SGSM1: variants seen among roughly 807,000 people sequenced by gnomAD.
The protein encoded by SGSM1 is small G protein signaling modulator 1, also known as RUN and TBC1 domain containing 2.
SGSM1 carries 73 observed loss-of-function variants against 133.8 expected under a neutral mutation model. The observed-to-expected ratio is 0.55, with a 90% CI of 0.45 to 0.66. The LOEUF (loss-of-function observed/expected upper bound fraction) is 0.66, where lower values mean the gene tolerates loss of function less well. Ranked by LOEUF, SGSM1 falls within the 30% of genes least tolerant of loss-of-function variation. The probability of loss-of-function intolerance (pLI) is 0.00; values close to 1 mark genes in which losing one functional copy is unlikely to be tolerated. For missense variants in SGSM1, 1,213 were observed against 1,448.1 expected (o/e 0.84, Z 2.64); for synonymous variants, 563 against 573.0 (o/e 0.98, Z 0.25).
chr22:24,900,047 AAT>A (rs1933074402), intron 19 of SGSM1, among the ~76,000 whole-genome samples: 1 of 148,742 alleles, frequency 6.7e-6, no homozygotes, highest in Non-Finnish European at 1.5e-5. Context: ...TTTTTTTTGA[AAT>A]AGTCTCCTTC....
intron 16 of SGSM1, among the ~76,000 whole-genome samples, chr22:24,889,491 C>A (rs1299527439): frequency 6.7e-6 from 1 of 149,962 alleles, no homozygotes; most frequent in Non-Finnish European, 1.5e-5. Context: ...CTTACTGCAA[C>A]CTCCGTCTCC....
At chr22:24,905,839 CG>C (rs1933358543) in intron 21 of SGSM1, among the ~76,000 whole-genome samples, 1 of 151,074 alleles carries the variant, frequency 6.6e-6, no homozygotes, top group Non-Finnish European at 1.5e-5. Flanking sequence ...GCCAATTCTT[CG>C]TGAACTCTTC....
At chr22:24,905,675 G>T (rs1382245610) in intron 21 of SGSM1, among the ~76,000 whole-genome samples, 2 of 151,558 alleles carry the variant, frequency 1.3e-5, no homozygotes, top group Non-Finnish European at 2.9e-5. Context: ...TGTAGTCCCA[G>T]CTACTCAGGA....
intron 3 of SGSM1, among the ~76,000 whole-genome samples, chr22:24,846,716 G>A (rs1036841792): frequency 1.3e-5 from 2 of 152,036 alleles, no homozygotes; most frequent in Admixed American, 1.3e-4. Context: ...CACTTACATC[G>A]CCATAAGCAA....
intron 23 of SGSM1, among the ~76,000 whole-genome samples, chr22:24,918,837 T>C (rs1933908745): frequency 6.6e-6 from 1 of 151,998 alleles, no homozygotes; most frequent in Admixed American, 6.6e-5. Flanking sequence ...GTTCAAATGA[T>C]TCTCCTGCCT....
intron 8 of SGSM1, among the ~76,000 whole-genome samples, chr22:24,858,259 C>T (rs1031544583): frequency 6.6e-6 from 1 of 152,178 alleles, no homozygotes; most frequent in East Asian, 1.9e-4. Context: ...GGATTGTAGG[C>T]GTGAGCCACT....
intron 15 of SGSM1, among the ~76,000 whole-genome samples, chr22:24,885,883 T>C (rs538437572): frequency 6.6e-6 from 1 of 152,328 alleles, no homozygotes; most frequent in East Asian, 1.9e-4. Flanking sequence ...TCCAAGTACC[T>C]GTGACTTTCC....
chr22:24,903,536 A>G (rs1235080145), intron 20 of SGSM1, among the ~76,000 whole-genome samples: 1 of 152,122 alleles, frequency 6.6e-6, no homozygotes, highest in Non-Finnish European at 1.5e-5. Flanking sequence ...AAATGTTTTA[A>G]ACTATGATAT....
At chr22:24,855,523 C>A (rs775401919) in intron 7 of SGSM1, 26 bp from the exon 8 acceptor site, 11 of 1,613,630 alleles carry the variant, frequency 6.8e-6, no homozygotes, top group Non-Finnish European at 9.3e-6. Flanking sequence ...GGCCTCATCC[C>A]TCTGTCTCCC....
intron 2 of SGSM1, among the ~76,000 whole-genome samples, chr22:24,828,425 A>G (rs1297961274): frequency 1.3e-5 from 2 of 152,152 alleles, no homozygotes; most frequent in African/African-American, 2.4e-5. Context: ...AAGAGAAAAG[A>G]AAACCTCATT....
intron 2 of SGSM1, among the ~76,000 whole-genome samples, chr22:24,836,010 T>C (rs1929406931): frequency 6.6e-6 from 1 of 152,230 alleles, no homozygotes; most frequent in Non-Finnish European, 1.5e-5. Context: ...TTTTTAAGTG[T>C]ACAATTCAGT....
intron 2 of SGSM1, chr22:24,844,618 C>A: frequency 2.3e-6 from 1 of 428,534 alleles, no homozygotes; most frequent in Non-Finnish European, 4.2e-6. Flanking sequence ...ACAGTGTGGT[C>A]AGGAAAGGAG....
intron 21 of SGSM1, among the ~76,000 whole-genome samples, chr22:24,910,690 A>G (rs1035392174): frequency 9.2e-5 from 14 of 152,234 alleles, no homozygotes; most frequent in Non-Finnish European, 1.5e-4. Flanking sequence ...CACACCTGTA[A>G]TCCCAGCACT....
Position 24,806,271 on chromosome 22 carries a change from A to G in SGSM1, c.-55A>G, listed in dbSNP as rs972023080. On this transcript the variant is annotated 5_prime_UTR_variant, in exon 1 of 25. Transcript: ENST00000400358. ...CAGCAGCGCCGCGGCCGGAGGAGCT[A>G]CCGCCGCCACCGCCGCCACCGCCTC... The G allele has an allele frequency of 7.2e-7, 1 of 1,393,360 alleles. No homozygotes were observed. Among genetic ancestry groups the G allele is most frequent in the Non-Finnish European group, 9.3e-7 (1 of 1,078,078 alleles). 86.3% of individuals were successfully genotyped at this position (1,393,360 alleles called of 1,614,324 possible). A position where few individuals can be genotyped will look rare whatever the true frequency, so the allele number is the denominator to read the frequency against.
intron 9 of SGSM1, among the ~76,000 whole-genome samples, chr22:24,863,744 CTTT>C (rs200717326): frequency 2.1e-5 from 3 of 140,384 alleles, no homozygotes; most frequent in Non-Finnish European, 1.6e-5. Flanking sequence ...TTCTTCTTTT[CTTT>C]TTTTTTTTTT....
chr22:24,900,340 C>CTTTCTTTCTTTCTTTCT (rs1036191488), intron 19 of SGSM1, among the ~76,000 whole-genome samples: 3 of 126,032 alleles, frequency 2.4e-5, no homozygotes, highest in Non-Finnish European at 4.9e-5. Flanking sequence ...TTGTTAACCT[C>CTTTCTTTCTTTCTTTCT]TTCTTTCTTT....
At chr22:24,922,766 G>A (rs1447686541) in intron 24 of SGSM1, among the ~76,000 whole-genome samples, 4 of 152,176 alleles carry the variant, frequency 2.6e-5, no homozygotes, top group South Asian at 2.1e-4. Flanking sequence ...GTGAGCCACC[G>A]GGCCTGGCCC....
At chr22:24,825,649 C>G (rs1474998879) in intron 2 of SGSM1, among the ~76,000 whole-genome samples, 1 of 152,136 alleles carries the variant, frequency 6.6e-6, no homozygotes, top group Non-Finnish European at 1.5e-5. Flanking sequence ...AGGCTGGTCT[C>G]GAACTCCTGA....
Position 24,893,486 on chromosome 22 carries a change from G to T in SGSM1, c.1826G>T (p.Cys609Phe). The T allele has an allele frequency of 3.1e-6, 5 of 1,613,882 alleles. No individual in the cohort carries two copies. Among genetic ancestry groups the T allele is most frequent in the Non-Finnish European group, 3.4e-6 (4 of 1,179,838 alleles). The part of the protein sequence containing the change: ...YAQTMAEWLG[C>F]EAIVRQRERE... ...CAGACCATGGCTGAGTGGCTGGGCT[G>T]CGAGGCGATCGTGCGGCAGAGGGAG... Residue 609 changes from cysteine (C) to phenylalanine (F), a missense_variant, in exon 17 of 25, where the codon TGC (cysteine) becomes TTC (phenylalanine). Coordinates refer to ENST00000400358, the MANE Select transcript of SGSM1 (RefSeq NM_001098497.3).
Sources: gnomAD v4.1 joint callset for allele counts (sites outside exome capture counted in the v4.1 genomes callset) on GRCh38, gnomAD v4.1.1 for gene constraint, MANE v1.5 for transcripts, NCBI Gene and HGNC (gene_info 2026-07-23, HGNC 2026-07-21) for gene names.